Variants in FHDC1 observed in about 807,000 individuals in gnomAD.
FHDC1 encodes the protein FH2 domain containing 1.
Under a neutral mutation model 52.6 loss-of-function variants are expected in FHDC1, and 25 were observed. The observed-to-expected ratio is 0.48, with a 90% CI of 0.35 to 0.66. The LOEUF (loss-of-function observed/expected upper bound fraction) is 0.66, where lower values mean the gene tolerates loss of function less well. Ranked by LOEUF, FHDC1 falls within the 30% of genes least tolerant of loss-of-function variation. FHDC1 has a pLI of 0.01. For missense variants in FHDC1, 1,459 were observed against 1,452.8 expected (o/e 1.00, Z -0.07); for synonymous variants, 616 against 581.5 (o/e 1.06, Z -0.85).
rs566309225 is a variant in FHDC1 at position 152,950,559 on chromosome 4, A to G, written c.499-2940A>G. On this transcript the variant is annotated intron_variant, in intron 2 of 11. Transcript: ENST00000511601. The stretch of plus-strand genomic sequence containing the variant: ...CTGAAACACAGCTTGAGCTGTAGAG[A>G]CGCCTGCTTCTACAGCTGGGCTGCC... Among the ~76,000 whole-genome samples the G allele has an allele frequency of 3.9e-5, 6 of 152,236 alleles. No homozygotes were observed. The South Asian group carries it at 1.2e-3, about 32-fold the overall frequency.
the FHDC1 span, chr4:152,927,595 C>A: frequency 1.2e-6 from 2 of 1,605,448 alleles, no homozygotes; most frequent in Non-Finnish European, 1.7e-6. Flanking sequence ...AGGTTTATGA[C>A]CCTCGATCTC....
chr4:152,923,286 G>A, the FHDC1 span, among the ~76,000 whole-genome samples: 5 of 152,082 alleles, frequency 3.3e-5, no homozygotes, highest in Non-Finnish European at 1.5e-5. Context: ...AAATACCTAG[G>A]AATCCAACTT....
chr4:152,912,749 T>C, the FHDC1 span, among the ~76,000 whole-genome samples: 1 of 152,188 alleles, frequency 6.6e-6, no homozygotes, highest in Non-Finnish European at 1.5e-5. Context: ...CTGGCTTTTC[T>C]GTCATTAAAA....
In FHDC1 at chr4:152,975,027, C is replaced by A. The variant is rs1297430286; in HGVS notation, c.1736C>A (p.Ala579Asp). The change falls in exon 12 of 12, where the codon GCC (alanine) becomes GAC (aspartate). Residue 579 changes from alanine to aspartate, a missense_variant. By Grantham distance (126) the Ala-to-Asp change is moderately radical. This residue lies in a region of FHDC1 where 939 missense variants were observed against 854.5 expected (regional missense o/e 1.10). Transcript: ENST00000511601. ...CTGCCCCGGAGCAGCCCCCGGCAGGCCCGGCCCACGATAGCCTGCCTGGAG... is the reference window on the plus strand; with the variant it reads ...CTGCCCCGGAGCAGCCCCCGGCAGGACCGGCCCACGATAGCCTGCCTGGAG... ...HSLPRSSPRQ[A>D]RPTIACLEPA... The A allele has an allele frequency of 1.1e-5, 17 of 1,612,610 alleles. No homozygotes were observed. Among genetic ancestry groups the A allele is most frequent in the Non-Finnish European group, 1.2e-5 (14 of 1,179,810 alleles).
At chr4:152,951,242 C>G (rs1218420313) in intron 2 of FHDC1, among the ~76,000 whole-genome samples, 1 of 152,164 alleles carries the variant, frequency 6.6e-6, no homozygotes, top group East Asian at 1.9e-4. Flanking sequence ...TTATGCATGG[C>G]CTTTTAATTT....
Position 152,975,409 on chromosome 4 carries a change from A to G in FHDC1, c.2118A>G (p.Leu706=), listed in dbSNP as rs775695750. Residue 706 remains leucine, a synonymous_variant, in exon 12 of 12, where the codon CTA becomes CTG. Transcript: ENST00000511601. Reference sequence around the variant, plus strand: ...TGAGTGACTTCAGCCCGATGGAGCTAGAGTCTGTGGGGCATAGGGGCCCGC... The same window carrying G: ...TGAGTGACTTCAGCCCGATGGAGCTGGAGTCTGTGGGGCATAGGGGCCCGC... ...LTLSDFSPME[L]ESVGHRGPQS... is the part of the protein sequence containing the mutation. 1 of 1,613,578 alleles carries G rather than the reference A, an allele frequency of 6.2e-7. No homozygotes were observed. The highest frequency in any genetic ancestry group is 8.5e-7 in the Non-Finnish European group (1 of 1,180,028).
chr4:152,937,701 C>G (rs1239373557), intron 1 of FHDC1, among the ~76,000 whole-genome samples: 1 of 151,906 alleles, frequency 6.6e-6, no homozygotes, highest in East Asian at 1.9e-4. Context: ...GTGTGGGCGT[C>G]GATCTCAGCG....
rs1371607492 is a variant in FHDC1 at position 152,974,883 on chromosome 4, A to G, written c.1592A>G (p.Tyr531Cys). The change falls in exon 12 of 12, where the codon TAC becomes TGC. Residue 531 changes from tyrosine to cysteine, a missense_variant. Physicochemically the swap from Tyr to Cys is radical, Grantham distance 194. Around this residue, in one of 3 missense-constraint regions of FHDC1, gnomAD observed 939 missense variants for 854.5 expected, o/e 1.10. Coordinates refer to ENST00000511601, the MANE Select transcript of FHDC1 (RefSeq NM_001371116.1). ...CCCATCAGCCCCTCCAGCCCCTCCT[A>G]CCGGCCCCCGAACACCCGCCGCTCC... Reference protein sequence around the residue: ...PRPISPSSPSYRPPNTRRSRL... With the variant: ...PRPISPSSPSCRPPNTRRSRL... 1.2e-6 allele frequency: 2 copies of G among 1,601,242 alleles called. No individual in the cohort carries two copies. The highest frequency in any genetic ancestry group is 1.7e-6 in the Non-Finnish European group (2 of 1,175,130).
Position 152,978,625 on chromosome 4 carries a change from T to G in FHDC1, c.*1902T>G, listed in dbSNP as rs1740980789. The G allele has an allele frequency of 6.6e-6, 1 of 152,152 alleles. No homozygotes were observed. The highest frequency in any genetic ancestry group is 1.5e-5 in the Non-Finnish European group (1 of 68,042). 9.4% of individuals were successfully genotyped at this position (152,152 alleles called of 1,614,324 possible). A position where few individuals can be genotyped will look rare whatever the true frequency, so the allele number is the denominator to read the frequency against. On this transcript the variant is annotated 3_prime_UTR_variant, in exon 12 of 12. Coordinates refer to ENST00000511601, the MANE Select transcript of FHDC1 (RefSeq NM_001371116.1). ...GACTAATTGGGAAACGGGGAAATTCTTGGAATTTTTTTTTTAAGAAACTTT... is the reference window on the plus strand; with the variant it reads ...GACTAATTGGGAAACGGGGAAATTCGTGGAATTTTTTTTTTAAGAAACTTT...
chr4:152,916,732 G>A, the FHDC1 span, among the ~76,000 whole-genome samples: 1 of 152,106 alleles, frequency 6.6e-6, no homozygotes, highest in Non-Finnish European at 1.5e-5. Context: ...TAGCATGGGA[G>A]ATAAATTGAT....
chr4:152,949,749 C>T (rs1355353625), intron 2 of FHDC1, among the ~76,000 whole-genome samples: 1 of 152,218 alleles, frequency 6.6e-6, no homozygotes, highest in Admixed American at 6.5e-5. Flanking sequence ...CCCTGGCCCC[C>T]TGGCAGTTGC....
intron 2 of FHDC1, among the ~76,000 whole-genome samples, chr4:152,944,429 G>A (rs573708395): frequency 8.2e-4 from 125 of 152,188 alleles, no homozygotes; most frequent in African/African-American, 3.0e-3. Flanking sequence ...AACAGAGAAA[G>A]ACAACAGAAA....
At chr4:152,919,895 C>G in the FHDC1 span, among the ~76,000 whole-genome samples, 1 of 147,288 alleles carries the variant, frequency 6.8e-6, no homozygotes, top group African/African-American at 2.5e-5. Flanking sequence ...GAGACAGAGT[C>G]TACAAACATG....
intron 1 of FHDC1, among the ~76,000 whole-genome samples, chr4:152,942,467 CA>C (rs962506202): frequency 1.4e-4 from 21 of 152,132 alleles, no homozygotes. Context: ...GTCCAAGGTG[CA>C]AGATGCCTTT....
In FHDC1 at chr4:152,962,882, G is replaced by A. The variant is rs757908286; in HGVS notation, c.919G>A (p.Ala307Thr). The change falls in exon 7 of 12, where the codon GCA becomes ACA. Residue 307 changes from alanine to threonine, a missense_variant and splice_region_variant. Ala to Thr is a moderately conservative substitution (Grantham distance 58). Transcript: ENST00000511601. ...LVLQAGNIMNAGGYAGNAVGF... is the reference protein window; with the variant it reads ...LVLQAGNIMNTGGYAGNAVGF... The stretch of plus-strand genomic sequence containing the variant: ...GCTCCAGGCTGGGAATATCATGAAT[G>A]CAGTAAGTAAAATCCAAAACAATTG... The A allele has an allele frequency of 6.2e-7, 1 of 1,613,054 alleles. No individual in the cohort carries two copies. The highest frequency in any genetic ancestry group is 1.1e-5 in the South Asian group (1 of 91,054).
At chr4:152,967,220 G>C (rs934943441) in intron 9 of FHDC1, among the ~76,000 whole-genome samples, 5 of 152,144 alleles carry the variant, frequency 3.3e-5, no homozygotes, top group African/African-American at 1.2e-4. Context: ...GAGCTCAGGG[G>C]TTCTAGACCA....
rs1740997155 is a variant in FHDC1 at position 152,979,134 on chromosome 4, A to G, written c.*2411A>G. The G allele has an allele frequency of 2.6e-5, 4 of 152,332 alleles. No homozygotes were observed. In the South Asian group the frequency reaches 8.3e-4, roughly 32 times the overall value. The allele number at this position is 152,332 out of a possible 1,614,324, so 9.4% of individuals were successfully genotyped here. On this transcript the variant is annotated 3_prime_UTR_variant, in exon 12 of 12. Coordinates refer to ENST00000511601, the MANE Select transcript of FHDC1 (RefSeq NM_001371116.1). The stretch of plus-strand genomic sequence containing the variant: ...ACCTCTTGGAGGAACCCTGGGTACC[A>G]AGCTCCCAGGCCCTTCCTCTATCAT...
the FHDC1 span, among the ~76,000 whole-genome samples, chr4:152,918,133 GC>G: frequency 6.6e-6 from 1 of 152,118 alleles, no homozygotes; most frequent in Non-Finnish European, 1.5e-5. Flanking sequence ...AAGTTTTCAA[GC>G]TTTTGGAGTC....
At chr4:152,931,413 G>GT (rs957606245), upstream of FHDC1, among the ~76,000 whole-genome samples, 41 of 138,762 alleles carry the variant, frequency 3.0e-4, no homozygotes, top group Middle Eastern at 4.0e-3. Flanking sequence ...GATATCTACA[G>GT]TTTTTTTTTT....
Sources: allele counts gnomAD v4.1 joint callset (sites outside exome capture counted in the v4.1 genomes callset), GRCh38; gene constraint gnomAD v4.1.1; regional missense constraint gnomAD v4.1.1; transcripts MANE v1.5; gene names NCBI Gene and HGNC (gene_info 2026-07-23, HGNC 2026-07-21).